The following GRID1 variants were observed in gnomAD, a reference collection of about 807,000 sequenced individuals.
The protein encoded by GRID1 is glutamate receptor ionotropic, delta-1.
Under a neutral mutation model 98.0 loss-of-function variants are expected in GRID1, and 28 were observed. That is an observed-to-expected ratio of 0.29 (90% CI 0.21 to 0.39). The LOEUF (loss-of-function observed/expected upper bound fraction) is 0.39, where lower values mean the gene tolerates loss of function less well. Ranked by LOEUF, GRID1 falls within the 10% of genes least tolerant of loss-of-function variation. The pLI is 1.00. For missense variants in GRID1, 1,111 were observed against 1,340.5 expected, an observed-to-expected ratio of 0.83 and a Z score of 2.67; for synonymous variants, 553 against 538.5, an observed-to-expected ratio of 1.03 and a Z score of -0.37.
At chr10:85,969,597 G>A (rs369431433) in intron 4 of GRID1, among the ~76,000 whole-genome samples, 3 of 152,168 alleles carry the variant, frequency 2.0e-5, no homozygotes, top group East Asian at 3.9e-4. Flanking sequence ...AATAATCAAT[G>A]AGTCAAAGAA....
At chr10:85,625,675 C>G (rs1842904055) in intron 13 of GRID1, among the ~76,000 whole-genome samples, 1 of 152,076 alleles carries the variant, frequency 6.6e-6, no homozygotes, top group Non-Finnish European at 1.5e-5. Flanking sequence ...TGGGTTGTTG[C>G]AAAAGGAAAA....
intron 5 of GRID1, among the ~76,000 whole-genome samples, chr10:85,905,152 T>C (rs1841442578): frequency 1.3e-5 from 2 of 151,890 alleles, no homozygotes; most frequent in African/African-American, 4.8e-5. Context: ...GCATGTTATA[T>C]ACAGAAAAAC....
chr10:86,169,523 A>G (rs530204042), intron 3 of GRID1, among the ~76,000 whole-genome samples: 14 of 152,286 alleles, frequency 9.2e-5, no homozygotes, highest in African/African-American at 2.9e-4. Flanking sequence ...GGGGTGGTGG[A>G]AGGGATGCTG....
At chr10:86,273,675 A>AT (rs1847221957) in intron 2 of GRID1, among the ~76,000 whole-genome samples, 2 of 152,020 alleles carry the variant, frequency 1.3e-5, no homozygotes. Context: ...GATGGTGAGC[A>AT]TTTTTTCATG....
At chr10:86,278,615 G>A (rs1847309324) in intron 2 of GRID1, among the ~76,000 whole-genome samples, 1 of 151,960 alleles carries the variant, frequency 6.6e-6, no homozygotes, top group Admixed American at 6.6e-5. Flanking sequence ...AGATACTACA[G>A]GTATTAAAAA....
Position 86,362,368 on chromosome 10 carries a change from G to A in GRID1, c.235+1573C>T, listed in dbSNP as rs563736006. ...ACACTGAAAAGAAGTCCAGAGGCAG[G>A]GGGTGTCTGGAGATAGAGACTGCTG... On this transcript the variant is annotated intron_variant, in intron 2 of 15. Coordinates refer to ENST00000327946, the MANE Select transcript of GRID1 (RefSeq NM_017551.3). Among the ~76,000 whole-genome samples the A allele has an allele frequency of 2.0e-5, 3 of 152,278 alleles. No homozygotes were observed. In the East Asian group the frequency reaches 5.8e-4, roughly 29 times the overall value.
intron 3 of GRID1, among the ~76,000 whole-genome samples, chr10:86,141,120 C>T (rs930433593): frequency 3.3e-5 from 5 of 151,872 alleles, no homozygotes; most frequent in Admixed American, 1.3e-4. Flanking sequence ...GCCCCAGGGC[C>T]GAGATGAAGT....
rs1353071910 is a variant in GRID1 at position 85,599,854 on chromosome 10, A to T, written c.*2419T>A. ...TGAAGAATAACACCATGAGGTGTTA[A>T]GGATTTTGTATAAGCAGAATACTTC... is the stretch of plus-strand genomic sequence containing the variant. On this transcript the variant is annotated 3_prime_UTR_variant, in exon 16 of 16. Coordinates refer to ENST00000327946, the MANE Select transcript of GRID1 (RefSeq NM_017551.3). 1.4e-5 allele frequency: 2 copies of T among 138,354 alleles called. No homozygotes were observed. The highest frequency in any genetic ancestry group is 3.1e-5 in the Non-Finnish European group (2 of 65,334). The allele number at this position is 138,354 out of a possible 1,614,324, so 8.6% of individuals were successfully genotyped here.
intron 12 of GRID1, among the ~76,000 whole-genome samples, chr10:85,692,678 AAG>A (rs1554825166): frequency 1.0e-4 from 10 of 97,394 alleles, no homozygotes; most frequent in South Asian, 6.7e-4. Context: ...AAAAAAAAAA[AAG>A]AAGAAGAAGA....
intron 8 of GRID1, among the ~76,000 whole-genome samples, chr10:85,841,080 T>G (rs1387637861): frequency 6.6e-6 from 1 of 152,178 alleles, no homozygotes; most frequent in Non-Finnish European, 1.5e-5. Flanking sequence ...GGTACCCTAC[T>G]TCAAACCATA....
chr10:85,819,670 T>C (rs1224919483), intron 8 of GRID1, among the ~76,000 whole-genome samples: 1 of 152,058 alleles, frequency 6.6e-6, no homozygotes, highest in African/African-American at 2.4e-5. Context: ...TCCTAGCACT[T>C]TGGGAGGCAG....
chr10:86,274,087 G>A (rs940910376), intron 2 of GRID1, among the ~76,000 whole-genome samples: 3 of 152,134 alleles, frequency 2.0e-5, no homozygotes, highest in African/African-American at 7.2e-5. Context: ...ATTAATTTTT[G>A]TATAAGGTGT....
chr10:85,842,962 CA>C (rs34596984), intron 8 of GRID1, among the ~76,000 whole-genome samples: 110 of 151,576 alleles, frequency 7.3e-4, no homozygotes, highest in African/African-American at 2.3e-3. Context: ...AAAAACAAAA[CA>C]AAAAAAACCC....
At chr10:86,171,500 A>G (rs905985564) in intron 3 of GRID1, among the ~76,000 whole-genome samples, 2 of 152,248 alleles carry the variant, frequency 1.3e-5, no homozygotes, top group Admixed American at 1.3e-4. Flanking sequence ...CTTTATCTCT[A>G]TTAACCGAGG....
intron 14 of GRID1, among the ~76,000 whole-genome samples, chr10:85,616,880 G>T (rs762920003): frequency 1.3e-5 from 2 of 152,128 alleles, no homozygotes; most frequent in Non-Finnish European, 2.9e-5. Flanking sequence ...CTACACAGTA[G>T]GTGCTCAATA....
intron 12 of GRID1, among the ~76,000 whole-genome samples, chr10:85,691,556 A>G (rs922339027): frequency 6.6e-6 from 1 of 152,272 alleles, no homozygotes; most frequent in South Asian, 2.1e-4. Flanking sequence ...CTTCAATCAT[A>G]GCTGTGGACC....
In GRID1 at chr10:86,076,974, G is replaced by T. The variant is rs989463390; in HGVS notation, c.726+61845C>A. ...TACTCTAATGACCTCATTTTAATTT[G>T]ATTATCTCTGTAAAAACCCTATTTC... On this transcript the variant is annotated intron_variant, in intron 4 of 15. Transcript: ENST00000327946. Among the ~76,000 whole-genome samples the T allele has an allele frequency of 5.8e-5, 8 of 137,502 alleles. 1 individual carries two copies. The highest frequency in any genetic ancestry group is 1.1e-4 in the Non-Finnish European group (7 of 63,288). 90.2% of individuals were successfully genotyped at this position (137,502 alleles called of 152,430 possible).
At chr10:86,308,663 G>C (rs1847792283) in intron 2 of GRID1, among the ~76,000 whole-genome samples, 1 of 152,104 alleles carries the variant, frequency 6.6e-6, no homozygotes, top group Non-Finnish European at 1.5e-5. Context: ...GCTCGAGACT[G>C]GGTAATTTAT....
In GRID1 at chr10:85,972,314, T is replaced by C. The variant is rs549512584; in HGVS notation, c.727-56075A>G. On this transcript the variant is annotated intron_variant, in intron 4 of 15. Coordinates refer to ENST00000327946, the MANE Select transcript of GRID1 (RefSeq NM_017551.3). The stretch of plus-strand genomic sequence containing the variant: ...TTTAATCTAATGTTATTTTTACTTG[T>C]TTACTGAAAAATGAAACAACCCTAA... 4.0e-5 allele frequency among the ~76,000 whole-genome samples: 6 copies of C among 151,526 alleles called. No individual in the cohort carries two copies. The South Asian group carries it at 8.3e-4, about 21-fold the overall frequency.
Sources: allele counts gnomAD v4.1 joint callset (sites outside exome capture counted in the v4.1 genomes callset), GRCh38; gene constraint gnomAD v4.1.1; transcripts MANE v1.5; gene names NCBI Gene and HGNC (gene_info 2026-07-23, HGNC 2026-07-21).